HSF2BP: variants seen among roughly 807,000 people sequenced by gnomAD.
The protein encoded by HSF2BP is heat shock factor 2-binding protein.
Under a neutral mutation model 35.0 loss-of-function variants are expected in HSF2BP, and 35 were observed. The observed-to-expected ratio is 1.00, with a 90% CI of 0.76 to 1.32. The LOEUF (loss-of-function observed/expected upper bound fraction) is 1.32. Among genes scored for constraint, HSF2BP ranks in the 40% most tolerant of loss-of-function variants. The pLI, the probability that HSF2BP is intolerant of heterozygous loss-of-function variation, is 0.00. For missense variants in HSF2BP, 326 were observed against 321.7 expected (o/e 1.01, Z -0.10); for synonymous variants, 114 against 117.4 (o/e 0.97, Z 0.18).
At chr21:43,643,583 G>A (rs1473989823) in intron 4 of HSF2BP, among the ~76,000 whole-genome samples, 3 of 152,158 alleles carry the variant, frequency 2.0e-5, no homozygotes, top group Admixed American at 1.3e-4. Context: ...AGCAGCCTGA[G>A]GCCCTCACCA....
intron 8 of HSF2BP, among the ~76,000 whole-genome samples, chr21:43,575,905 G>T (rs560546310): frequency 6.6e-6 from 1 of 152,292 alleles, no homozygotes; most frequent in South Asian, 2.1e-4. Flanking sequence ...GCTCACTGAG[G>T]CTAGGAGTTT....
rs551272584 is a variant in HSF2BP at position 43,590,194 on chromosome 21, T to A, written c.796+2031A>T. On this transcript the variant is annotated intron_variant, in intron 8 of 8. Transcript: ENST00000291560. ...TCAGTAAGAATCTATCCAATTTTTTTAAAATAAACAAAACATACAAACAGA... is the reference window on the plus strand; with the variant it reads ...TCAGTAAGAATCTATCCAATTTTTTAAAAATAAACAAAACATACAAACAGA... 3.1e-4 allele frequency among the ~76,000 whole-genome samples: 47 copies of A among 152,294 alleles called. No individual in the cohort carries two copies. In the East Asian group the frequency reaches 3.7e-3, roughly 12 times the overall value.
intron 8 of HSF2BP, among the ~76,000 whole-genome samples, chr21:43,574,637 T>G (rs1239601084): frequency 2.6e-5 from 4 of 152,098 alleles, no homozygotes; most frequent in African/African-American, 4.8e-5. Context: ...GATTACAGGC[T>G]TGAGCCACTG....
At chr21:43,581,152 C>T (rs1184757245) in intron 8 of HSF2BP, among the ~76,000 whole-genome samples, 4 of 152,134 alleles carry the variant, frequency 2.6e-5, no homozygotes, top group African/African-American at 9.7e-5. Flanking sequence ...TTTGGGAAGA[C>T]GAGGCGGGCG....
chr21:43,620,502 T>G (rs1462242382), intron 6 of HSF2BP, among the ~76,000 whole-genome samples: 2 of 152,066 alleles, frequency 1.3e-5, no homozygotes, highest in Non-Finnish European at 2.9e-5. Flanking sequence ...GAGAACAGCC[T>G]CAGCAACACA....
intron 4 of HSF2BP, among the ~76,000 whole-genome samples, chr21:43,640,300 C>A (rs975619698): frequency 1.3e-5 from 2 of 152,186 alleles, no homozygotes; most frequent in African/African-American, 4.8e-5. Flanking sequence ...GAGACTCTGT[C>A]TCAAGGAAAA....
intron 7 of HSF2BP, among the ~76,000 whole-genome samples, chr21:43,594,135 T>C (rs1195116086): frequency 6.6e-6 from 1 of 152,126 alleles, no homozygotes; most frequent in Non-Finnish European, 1.5e-5. Flanking sequence ...AAAGCTAGAA[T>C]TGTGAACCCA....
rs561868245 is a variant in HSF2BP at position 43,595,705 on chromosome 21, T to A, written c.693-3377A>T. Among the ~76,000 whole-genome samples, 5 of 133,862 alleles carry A rather than the reference T, an allele frequency of 3.7e-5. No individual in the cohort carries two copies. The South Asian group carries it at 1.1e-3, about 29-fold the overall frequency. 87.8% of individuals were successfully genotyped at this position (133,862 alleles called of 152,430 possible). ...AATAATGTTAAAAGAAGGGAAAGCATCTTTAAAAATTAAGAGGCTAATTTT... is the reference window on the plus strand; with the variant it reads ...AATAATGTTAAAAGAAGGGAAAGCAACTTTAAAAATTAAGAGGCTAATTTT... On this transcript the variant is annotated intron_variant, in intron 7 of 8. Coordinates refer to ENST00000291560, the MANE Select transcript of HSF2BP (RefSeq NM_007031.2).
intron 4 of HSF2BP, among the ~76,000 whole-genome samples, chr21:43,641,620 T>C (rs9984002): frequency 0.67 from 102,393 of 151,988 alleles, 35,022 homozygotes; most frequent in East Asian, 0.79. Context: ...CAATAACTTC[T>C]GCCTTTTCCT....
intron 3 of HSF2BP, among the ~76,000 whole-genome samples, chr21:43,652,849 C>T (rs1300272984): frequency 6.6e-6 from 1 of 151,968 alleles, no homozygotes; most frequent in East Asian, 1.9e-4. Context: ...GAAAGAAGGG[C>T]ATCAGGCCAG....
At chr21:43,496,159 C>T in the HSF2BP span, among the ~76,000 whole-genome samples, 2 of 131,462 alleles carry the variant, frequency 1.5e-5, no homozygotes, top group African/African-American at 2.8e-5. Context: ...AGATTACACA[C>T]ACACACACAT....
chr21:43,495,692 CA>C, the HSF2BP span, among the ~76,000 whole-genome samples: 1 of 120,504 alleles, frequency 8.3e-6, no homozygotes, highest in East Asian at 2.2e-4. Context: ...GCCCACATTT[CA>C]GTGGCAGGGC....
chr21:43,467,907 A>C, the HSF2BP span, among the ~76,000 whole-genome samples: 3 of 67,688 alleles, frequency 4.4e-5, no homozygotes, highest in Non-Finnish European at 8.8e-5. Flanking sequence ...ACACACACGC[A>C]CCACACACCA....
chr21:43,572,571 G>A (rs970103034), intron 8 of HSF2BP, among the ~76,000 whole-genome samples: 1 of 152,248 alleles, frequency 6.6e-6, no homozygotes, highest in Non-Finnish European at 1.5e-5. Flanking sequence ...CCAGTGGACA[G>A]AACTCCCTAG....
intron 3 of HSF2BP, among the ~76,000 whole-genome samples, chr21:43,652,979 T>C (rs929269096): frequency 1.3e-5 from 2 of 151,776 alleles, no homozygotes; most frequent in African/African-American, 4.8e-5. Context: ...TAACTAAAAA[T>C]ACAAAAATTA....
At chr21:43,631,930 ATCC>A (rs2082463727) in intron 5 of HSF2BP, among the ~76,000 whole-genome samples, 1 of 105,906 alleles carries the variant, frequency 9.4e-6, no homozygotes, top group African/African-American at 3.7e-5. Context: ...CACACACACG[ATCC>A]CACATACACA....
Position 43,633,253 on chromosome 21 carries a change from G to A in HSF2BP, c.441+19C>T, listed in dbSNP as rs773893186. On this transcript the variant is annotated intron_variant, in intron 5 of 8. Transcript: ENST00000291560. ...AGCAGTAATCAACAATATCTGGAGA[G>A]CCCACTGACCATACTTACTCCTCCC... 1.7e-5 allele frequency: 28 copies of A among 1,604,346 alleles called. No homozygotes were observed. Among genetic ancestry groups the A allele is most frequent in the Non-Finnish European group, 2.0e-5 (23 of 1,177,112 alleles).
intron 3 of HSF2BP, among the ~76,000 whole-genome samples, chr21:43,652,799 T>C (rs2082807575): frequency 6.6e-6 from 1 of 152,160 alleles, no homozygotes; most frequent in Non-Finnish European, 1.5e-5. Context: ...CCACGTTTCC[T>C]GGAGCACATG....
rs2081645347 is a variant in HSF2BP at position 43,576,460 on chromosome 21, GCAGCTGT to G, written c.796+15758_796+15764del. Among the ~76,000 whole-genome samples, 3 of 152,206 alleles carry G rather than the reference GCAGCTGT, an allele frequency of 2.0e-5. No homozygotes were observed. In the South Asian group the frequency reaches 6.2e-4, roughly 31 times the overall value. On this transcript the variant is annotated intron_variant, in intron 8 of 8. Transcript: ENST00000291560. ...TCCCATAAGGAAAGGCTCTAGTCCA[GCAGCTGT>G]CACATAGTAAATGCACAAGTCAACG...
Sources: gnomAD v4.1 joint callset for allele counts (sites outside exome capture counted in the v4.1 genomes callset) on GRCh38, gnomAD v4.1.1 for gene constraint, MANE v1.5 for transcripts, NCBI Gene and HGNC (gene_info 2026-07-23, HGNC 2026-07-21) for gene names.